The following HTR1E variants were observed in gnomAD, a reference collection of about 807,000 sequenced individuals.
HTR1E encodes 5-hydroxytryptamine receptor 1E, also known as 5-HT-1E.
In HTR1E, 3 loss-of-function variants were observed where a neutral mutation model predicts 3.4. That is an observed-to-expected ratio of 0.89 (90% CI 0.41 to 2.31). HTR1E has a LOEUF of 2.31. Ranked by LOEUF, HTR1E falls within the 30% of genes most tolerant of loss-of-function variation. The pLI, the probability that HTR1E is intolerant of heterozygous loss-of-function variation, is 0.05. For synonymous variants in HTR1E, 170 were observed against 182.8 expected, an observed-to-expected ratio of 0.93 and a Z score of 0.56; for missense variants, 392 against 467.0, an observed-to-expected ratio of 0.84 and a Z score of 1.48.
At chr6:86,985,354 G>A (rs932754657) in intron 1 of HTR1E, among the ~76,000 whole-genome samples, 5 of 152,044 alleles carry the variant, frequency 3.3e-5, no homozygotes, top group African/African-American at 1.2e-4. Context: ...CAAAATAAAG[G>A]TAAGAACTTT....
At chr6:87,003,748 G>C (rs1164530822) in intron 1 of HTR1E, among the ~76,000 whole-genome samples, 1 of 151,210 alleles carries the variant, frequency 6.6e-6, no homozygotes, top group Non-Finnish European at 1.5e-5. Flanking sequence ...AAATTATTAG[G>C]AAAAAAAGGA....
intron 1 of HTR1E, among the ~76,000 whole-genome samples, chr6:86,965,721 G>A (rs1293174206): frequency 1.3e-5 from 2 of 152,052 alleles, no homozygotes; most frequent in African/African-American, 2.4e-5. Flanking sequence ...CAAATATATG[G>A]TCTTCCTTAT....
In HTR1E at chr6:86,994,111, A is replaced by C. The variant is rs1448005682; in HGVS notation, c.-185-21039A>C. Among the ~76,000 whole-genome samples, 4 of 152,222 alleles carry C rather than the reference A, an allele frequency of 2.6e-5. 1 individual carries two copies. On this transcript the variant is annotated intron_variant, in intron 1 of 1. Transcript: ENST00000305344. ...CTAATGACAGAAATAAAATAAACAG[A>C]AGAAAATCAACAGAGTATTGGGGAC...
intron 1 of HTR1E, among the ~76,000 whole-genome samples, chr6:86,981,816 G>C (rs1767715743): frequency 6.6e-6 from 1 of 152,190 alleles, no homozygotes; most frequent in Non-Finnish European, 1.5e-5. Context: ...TACCTAGGAA[G>C]GGAAAGAGTC....
At chr6:86,998,005 A>T (rs1266698675) in intron 1 of HTR1E, among the ~76,000 whole-genome samples, 1 of 151,714 alleles carries the variant, frequency 6.6e-6, no homozygotes, top group Non-Finnish European at 1.5e-5. Context: ...ATAAATGGAG[A>T]TTTACATAAT....
chr6:86,968,342 T>C (rs1180655366), intron 1 of HTR1E, among the ~76,000 whole-genome samples: 1 of 152,234 alleles, frequency 6.6e-6, no homozygotes, highest in Non-Finnish European at 1.5e-5. Flanking sequence ...ATAAGTGGAA[T>C]TGCTGAGCCA....
At chr6:86,941,544 C>T (rs996261721) in intron 1 of HTR1E, among the ~76,000 whole-genome samples, 1 of 152,308 alleles carries the variant, frequency 6.6e-6, no homozygotes, top group African/African-American at 2.4e-5. Flanking sequence ...CAATTCTCAA[C>T]ACATGCAGTT....
rs895873962 is a variant in HTR1E, at chr6:87,015,246, C to A, written c.-89C>A. The A allele has an allele frequency of 1.7e-6, 2 of 1,204,288 alleles. No individual in the cohort carries two copies. The highest frequency in any genetic ancestry group is 3.1e-5 in the African/African-American group (2 of 65,494). 74.6% of individuals were successfully genotyped at this position (1,204,288 alleles called of 1,614,324 possible). A position where few individuals can be genotyped will look rare whatever the true frequency, so the allele number is the denominator to read the frequency against. ...AGCTGAACAAATTATAGCCTCCTTA[C>A]AAGTGAGAAACCTTCGAGGCTACAT... On this transcript the variant is annotated 5_prime_UTR_variant, in exon 2 of 2. Transcript: ENST00000305344.
intron 1 of HTR1E, among the ~76,000 whole-genome samples, chr6:86,993,346 T>C (rs756492248): frequency 2.0e-5 from 3 of 152,092 alleles, no homozygotes; most frequent in Non-Finnish European, 4.4e-5. Flanking sequence ...TTATAACCAA[T>C]GCATTGTGAA....
At chr6:86,967,250 C>A (rs1221331283) in intron 1 of HTR1E, among the ~76,000 whole-genome samples, 1 of 152,096 alleles carries the variant, frequency 6.6e-6, no homozygotes, top group Non-Finnish European at 1.5e-5. Flanking sequence ...GCCAACCTAT[C>A]ACAATTATAA....
intron 1 of HTR1E, among the ~76,000 whole-genome samples, chr6:86,999,828 G>T (rs946172413): frequency 1.3e-5 from 2 of 152,176 alleles, no homozygotes; most frequent in Admixed American, 6.5e-5. Flanking sequence ...TAATAGCTGT[G>T]CTTGGCTAGA....
At chr6:86,983,306 C>T (rs1434344380) in intron 1 of HTR1E, among the ~76,000 whole-genome samples, 5 of 151,354 alleles carry the variant, frequency 3.3e-5, no homozygotes, top group Non-Finnish European at 5.9e-5. Flanking sequence ...TAGAAACATA[C>T]ATATCACTAT....
intron 1 of HTR1E, among the ~76,000 whole-genome samples, chr6:86,977,950 A>C (rs935267941): frequency 3.3e-5 from 5 of 151,980 alleles, no homozygotes; most frequent in Admixed American, 3.3e-4. Flanking sequence ...CCTTTATCAG[A>C]TGCGTAATTT....
intron 1 of HTR1E, among the ~76,000 whole-genome samples, chr6:86,980,570 T>G (rs1767697897): frequency 6.6e-6 from 1 of 152,088 alleles, no homozygotes; most frequent in Non-Finnish European, 1.5e-5. Flanking sequence ...TTGGCAAAGA[T>G]GTGTATTTCA....
chr6:86,968,586 G>A (rs1385326866), intron 1 of HTR1E, among the ~76,000 whole-genome samples: 1 of 152,128 alleles, frequency 6.6e-6, no homozygotes, highest in Non-Finnish European at 1.5e-5. Flanking sequence ...TTAGTTCATA[G>A]TTTAACAAAA....
intron 1 of HTR1E, among the ~76,000 whole-genome samples, chr6:87,003,429 C>T (rs1311663589): frequency 6.6e-6 from 1 of 152,002 alleles, no homozygotes; most frequent in African/African-American, 2.4e-5. Context: ...GCCCCAGCTA[C>T]TTGAGAGGCT....
intron 1 of HTR1E, among the ~76,000 whole-genome samples, chr6:87,005,170 A>C (rs1260619312): frequency 6.6e-6 from 1 of 152,182 alleles, no homozygotes; most frequent in Non-Finnish European, 1.5e-5. Flanking sequence ...TACACAAAGC[A>C]ATCTATGGCT....
At chr6:86,982,574 T>C (rs765624462) in intron 1 of HTR1E, among the ~76,000 whole-genome samples, 9 of 151,460 alleles carry the variant, frequency 5.9e-5, no homozygotes, top group Non-Finnish European at 1.0e-4. Context: ...CCTGCTCAGA[T>C]TGGTGGGCCT....
At chr6:86,952,477 G>C (rs1767259147) in intron 1 of HTR1E, among the ~76,000 whole-genome samples, 1 of 148,878 alleles carries the variant, frequency 6.7e-6, no homozygotes, top group Non-Finnish European at 1.5e-5. Context: ...CTTCCTTTTG[G>C]CTTACACATA....
Sources: allele counts gnomAD v4.1 joint callset (sites outside exome capture counted in the v4.1 genomes callset), GRCh38; gene constraint gnomAD v4.1.1; transcripts MANE v1.5; gene names NCBI Gene and HGNC (gene_info 2026-07-23, HGNC 2026-07-21).